ABI3BP: variants seen among roughly 807,000 people sequenced by gnomAD.
ABI3BP encodes the protein target of Nesh-SH3.
In ABI3BP, 216 loss-of-function variants were observed where a neutral mutation model predicts 268.6. The ratio of observed to expected loss-of-function variants is 0.80; its 90% confidence interval spans 0.72 to 0.90. ABI3BP has a LOEUF of 0.90. ABI3BP is among the 40% of genes least tolerant of loss of function. The probability of loss-of-function intolerance (pLI) is 0.00; values close to 1 mark genes in which losing one functional copy is unlikely to be tolerated. For missense variants in ABI3BP, 2,090 were observed against 2,182.4 expected (o/e 0.96, Z 0.84); for synonymous variants, 730 against 730.0 (o/e 1.00, Z 0.00).
chr3:100,867,457 C>T (rs2099063414), intron 9 of ABI3BP, among the ~76,000 whole-genome samples: 1 of 151,546 alleles, frequency 6.6e-6, no homozygotes, highest in Admixed American at 6.6e-5. Context: ...CTGACTAACA[C>T]GGTGAAACCC....
chr3:100,926,254 C>T, intron 2 of ABI3BP, 48 bp downstream of exon 2: 2 of 1,588,144 alleles, frequency 1.3e-6, no homozygotes, highest in Non-Finnish European at 1.7e-6. Flanking sequence ...TTACACCCCC[C>T]CACCTCTTAC....
intron 30 of ABI3BP, among the ~76,000 whole-genome samples, chr3:100,832,721 C>T (rs779840260): frequency 6.6e-6 from 1 of 151,958 alleles, no homozygotes; most frequent in South Asian, 2.1e-4. Flanking sequence ...CACTTGGTAA[C>T]TTACTAGACT....
chr3:100,877,787 G>C (rs949254040), intron 6 of ABI3BP, among the ~76,000 whole-genome samples: 1 of 152,176 alleles, frequency 6.6e-6, no homozygotes, highest in African/African-American at 2.4e-5. Flanking sequence ...TGATCATCAA[G>C]GATGTGCTGA....
At chr3:100,804,681 G>A (rs947654570) in intron 51 of ABI3BP, 111 bp downstream of exon 51, 20 of 953,826 alleles carry the variant, frequency 2.1e-5, no homozygotes, top group Non-Finnish European at 3.2e-5. Context: ...TACAACATGG[G>A]ATTTAAACAT....
chr3:100,958,144 C>G (rs561183097), intron 1 of ABI3BP, among the ~76,000 whole-genome samples: 1 of 152,276 alleles, frequency 6.6e-6, no homozygotes, highest in East Asian at 1.9e-4. Context: ...AGACTATATT[C>G]TGAATATAAG....
At chr3:100,787,190 T>G (rs955475604) in intron 57 of ABI3BP, among the ~76,000 whole-genome samples, 2 of 152,120 alleles carry the variant, frequency 1.3e-5, no homozygotes, top group Non-Finnish European at 2.9e-5. Flanking sequence ...GAGATCTGAT[T>G]AGATTAGAGC....
Position 100,843,782 on chromosome 3 carries a change from AC to A in ABI3BP, c.1724-1744del, listed in dbSNP as rs2098737011. ...AAGCATTCATACCTGAAGATAGCAA[AC>A]AAAAAATTATTTTGAAACTTCAAGA... On this transcript the variant is annotated intron_variant, in intron 20 of 67. Coordinates refer to ENST00000471714, the MANE Select transcript of ABI3BP (RefSeq NM_001375547.2). 3 of 984,398 alleles carry A rather than the reference AC, an allele frequency of 3.0e-6. No homozygotes were observed. In the African/African-American group the frequency reaches 5.2e-5, roughly 17 times the overall value. The allele number at this position is 984,398 out of a possible 1,614,324, so 61.0% of individuals were successfully genotyped here.
chr3:100,976,574 C>T (rs1484428916), intron 1 of ABI3BP, among the ~76,000 whole-genome samples: 1 of 152,098 alleles, frequency 6.6e-6, no homozygotes, highest in Non-Finnish European at 1.5e-5. Context: ...TATTTATTCT[C>T]TCATAATGTT....
rs181390911 is a variant in ABI3BP, at chr3:100,897,738, C to G, written c.461+1024G>C. ...TTATAGGCATTTGTCATAACTCAAA[C>G]TGTACACTAATATTTATGCATTTTA... On this transcript the variant is annotated intron_variant, in intron 4 of 67. Transcript: ENST00000471714. 2.4e-3 allele frequency among the ~76,000 whole-genome samples: 371 copies of G among 152,306 alleles called. 1 individual carries two copies. The highest frequency in any genetic ancestry group is 8.4e-3 in the African/African-American group (351 of 41,562).
chr3:100,800,220 T>G (rs2097489911), intron 51 of ABI3BP, among the ~76,000 whole-genome samples: 1 of 152,160 alleles, frequency 6.6e-6, no homozygotes, highest in Admixed American at 6.5e-5. Context: ...AATCTTTTTT[T>G]TTTTTTGCCT....
chr3:100,913,922 T>C (rs1411787248), intron 2 of ABI3BP, among the ~76,000 whole-genome samples: 1 of 152,160 alleles, frequency 6.6e-6, no homozygotes, highest in Non-Finnish European at 1.5e-5. Flanking sequence ...AACATAGTAA[T>C]TGCTCAATAA....
In ABI3BP at chr3:100,838,479, A is replaced by T. The variant is rs933523417; in HGVS notation, c.1946-15T>A. 6.5e-7 allele frequency: 1 copy of T among 1,531,976 alleles called. No homozygotes were observed. The highest frequency in any genetic ancestry group is 2.0e-5 in the Admixed American group (1 of 50,984). 94.9% of individuals were successfully genotyped at this position (1,531,976 alleles called of 1,614,324 possible). On this transcript the variant is annotated splice_polypyrimidine_tract_variant and intron_variant, in intron 24 of 67. Coordinates refer to ENST00000471714, the MANE Select transcript of ABI3BP (RefSeq NM_001375547.2). ...TGGTTTTGAGGCTAAAGAAAAAGGT[A>T]TTAAAATTACCACAATGGGTCATGG...
Position 100,812,517 on chromosome 3 carries a change from T to G in ABI3BP, c.3371A>C (p.Asp1124Ala), listed in dbSNP as rs775118795. 1 of 1,330,640 alleles carries G rather than the reference T, an allele frequency of 7.5e-7. No homozygotes were observed. Among genetic ancestry groups the G allele is most frequent in the South Asian group, 2.2e-5 (1 of 45,144 alleles). The allele number at this position is 1,330,640 out of a possible 1,614,324, so 82.4% of individuals were successfully genotyped here. ...LEMTESQPVS[D>A]VLESVTLSTE... ...ACTAAGTGTAACCGATTCCAGAACATCAGAAACTAGTAAAAAACAGAAAAT... is the reference window on the plus strand; with the variant it reads ...ACTAAGTGTAACCGATTCCAGAACAGCAGAAACTAGTAAAAAACAGAAAAT... The change falls in exon 46 of 68, where the codon GAT becomes GCT. Residue 1124 changes from aspartate to alanine, a missense_variant. Transcript: ENST00000471714.
intron 1 of ABI3BP, among the ~76,000 whole-genome samples, chr3:100,982,991 T>C (rs749083612): frequency 2.0e-4 from 31 of 152,168 alleles, no homozygotes; most frequent in Admixed American, 3.9e-4. Flanking sequence ...AATCCGCTGC[T>C]CTCAGAGAAG....
intron 1 of ABI3BP, chr3:100,952,816 A>G (rs2075570238): frequency 6.6e-6 from 1 of 152,178 alleles, no homozygotes; most frequent in Admixed American, 6.6e-5. Flanking sequence ...GCAAAGCACT[A>G]AGACACTGAG....
chr3:100,827,327 G>C (rs2098406400), intron 34 of ABI3BP, among the ~76,000 whole-genome samples: 1 of 152,108 alleles, frequency 6.6e-6, no homozygotes. Context: ...TCAACCATGA[G>C]GGGGTAACAA....
In ABI3BP at chr3:100,851,897, A is replaced by C; in HGVS notation, c.1329T>G (p.Pro443=). 2.5e-6 allele frequency: 4 copies of C among 1,592,556 alleles called. No homozygotes were observed. The highest frequency in any genetic ancestry group is 3.4e-6 in the Non-Finnish European group (4 of 1,169,270). ...TACCTGTGTAGGAATCTGATATCTC[A>C]GGCTCATCTGATGTTGTAGGGCTTG... The part of the protein sequence containing the change: ...VFSSPTTSDE[P]EISDSYTATS... Residue 443 remains proline (P), a synonymous_variant, in exon 15 of 68, where the codon CCT becomes CCG. Coordinates refer to ENST00000471714, the MANE Select transcript of ABI3BP (RefSeq NM_001375547.2).
At position 100,949,989 on chromosome 3, in the gene ABI3BP, T is replaced by G. The variant is rs138623355; in HGVS notation, c.80-23508A>C. Among the ~76,000 whole-genome samples the G allele has an allele frequency of 5.0e-3, 768 of 152,316 alleles. 3 individuals are homozygous for G. Among genetic ancestry groups the G allele is most frequent in the Non-Finnish European group, 8.7e-3 (595 of 68,018 alleles). ...TAAAGTAGTATTAATCATAGAACTC[T>G]CTCAGAATTGATGGGAAGATTAAGT... On this transcript the variant is annotated intron_variant, in intron 1 of 67. Coordinates refer to ENST00000471714, the MANE Select transcript of ABI3BP (RefSeq NM_001375547.2).
At chr3:100,982,175 GGAGAAACCACCCCCAT>G (rs11276541) in intron 1 of ABI3BP, among the ~76,000 whole-genome samples, 84,529 of 151,750 alleles carry the variant, frequency 0.56, 24,165 homozygotes, top group East Asian at 0.88. Flanking sequence ...GAACAGCGTG[GGAGAAACCACCCCCAT>G]GATCCAATCA....
Sources: gnomAD v4.1 joint callset for allele counts (sites outside exome capture counted in the v4.1 genomes callset) on GRCh38, gnomAD v4.1.1 for gene constraint, MANE v1.5 for transcripts, NCBI Gene and HGNC (gene_info 2026-07-23, HGNC 2026-07-21) for gene names.